Variants in NRXN1 observed in about 807,000 individuals in gnomAD.
NRXN1 encodes the protein neurexin-1.
NRXN1 carries 39 observed loss-of-function variants against 150.9 expected under a neutral mutation model. The ratio of observed to expected loss-of-function variants is 0.26; its 90% CI spans 0.20 to 0.34. The LOEUF is 0.34. NRXN1 is among the 10% of genes least tolerant of loss of function. NRXN1 has a pLI of 1.00. For missense variants in NRXN1, 1,815 were observed against 1,949.9 expected, an observed-to-expected ratio of 0.93 and a Z score of 1.30; for synonymous variants, 924 against 757.0, an observed-to-expected ratio of 1.22 and a Z score of -3.62.
chr2:50,561,967 A>T (rs1418514753), intron 8 of NRXN1, among the ~76,000 whole-genome samples: 1 of 152,228 alleles, frequency 6.6e-6, no homozygotes. Flanking sequence ...AAGCCAGCAG[A>T]TGCTGCTAAG....
chr2:49,987,188 C>G (rs1681069162), intron 21 of NRXN1, among the ~76,000 whole-genome samples: 6 of 151,984 alleles, frequency 3.9e-5, no homozygotes, highest in Admixed American at 3.9e-4. Context: ...CCCCCTTTAC[C>G]TTTCCCAGCC....
At chr2:50,730,912 A>G (rs1486475629) in intron 5 of NRXN1, among the ~76,000 whole-genome samples, 1 of 152,084 alleles carries the variant, frequency 6.6e-6, no homozygotes, top group Non-Finnish European at 1.5e-5. Flanking sequence ...TGACCTTGTC[A>G]TCCGCCTGCC....
intron 21 of NRXN1, among the ~76,000 whole-genome samples, chr2:50,003,737 C>A (rs2152536844): frequency 6.6e-6 from 1 of 152,224 alleles, no homozygotes; most frequent in African/African-American, 2.4e-5. Flanking sequence ...ATACAGTGTT[C>A]TTTCAGGATC....
chr2:50,447,687 T>C (rs891129896), intron 17 of NRXN1, among the ~76,000 whole-genome samples: 2 of 135,960 alleles, frequency 1.5e-5, no homozygotes, highest in African/African-American at 5.8e-5. Flanking sequence ...CCTGTGTGAG[T>C]GCTGGGAGAT....
At chr2:50,220,061 G>A (rs1234282878) in intron 18 of NRXN1, among the ~76,000 whole-genome samples, 79 of 133,506 alleles carry the variant, frequency 5.9e-4, no homozygotes, top group African/African-American at 2.1e-3. Flanking sequence ...GCTCTCATAT[G>A]AGCCACAATT....
chr2:50,452,418 G>A (rs11897092), intron 17 of NRXN1, among the ~76,000 whole-genome samples: 9,279 of 152,132 alleles, frequency 0.061, 381 homozygotes, highest in African/African-American at 0.11. Flanking sequence ...TTAAAGACAA[G>A]GCAAACCAAA....
intron 18 of NRXN1, among the ~76,000 whole-genome samples, chr2:50,219,965 A>AT (rs1401429529): frequency 1.6e-4 from 9 of 56,760 alleles, no homozygotes; most frequent in African/African-American, 9.3e-4. Context: ...TATATATATT[A>AT]TATATATATA....
intron 21 of NRXN1, among the ~76,000 whole-genome samples, chr2:49,946,410 CT>C (rs1429417621): frequency 6.6e-6 from 1 of 152,118 alleles, no homozygotes; most frequent in Non-Finnish European, 1.5e-5. Context: ...TCAATTTTGG[CT>C]TTTGTTGCCA....
chr2:50,691,693 C>T (rs987314496), intron 5 of NRXN1, among the ~76,000 whole-genome samples: 11 of 152,110 alleles, frequency 7.2e-5, no homozygotes, highest in African/African-American at 1.7e-4. Flanking sequence ...GGCAACCATC[C>T]GTTCCTTTTA....
intron 8 of NRXN1, chr2:50,588,791 T>C (rs1423361077): frequency 6.6e-6 from 1 of 152,156 alleles, no homozygotes; most frequent in Non-Finnish European, 1.5e-5. Context: ...TCATTTGATG[T>C]TACTTCTGTG....
chr2:50,347,171 G>T lies in NRXN1; in HGVS notation c.3365-110201C>A, dbSNP rs1188137223. ...AATCCGAAACATAGCCGAGGCGAATGCAGCTGGAGAGGGGCTTGTCCGGAA... is the reference window on the plus strand; with the variant it reads ...AATCCGAAACATAGCCGAGGCGAATTCAGCTGGAGAGGGGCTTGTCCGGAA... On this transcript the variant is annotated intron_variant, in intron 17 of 22. Transcript: ENST00000401669. The surrounding 1 kb of genome is among the most constrained non-coding windows in gnomAD (Gnocchi z 4.9). The T allele has an allele frequency of 9.5e-6, 13 of 1,364,708 alleles. No homozygotes were observed. The highest frequency in any genetic ancestry group is 1.3e-5 in the Non-Finnish European group (13 of 1,039,076). The allele number at this position is 1,364,708 out of a possible 1,614,324, so 84.5% of individuals were successfully genotyped here.
intron 5 of NRXN1, among the ~76,000 whole-genome samples, chr2:50,723,199 G>T (rs992625256): frequency 3.3e-5 from 5 of 152,088 alleles, no homozygotes; most frequent in African/African-American, 1.2e-4. Context: ...AATTGCACAG[G>T]CCCCAGGAAA....
intron 12 of NRXN1, among the ~76,000 whole-genome samples, chr2:50,508,537 T>C (rs2092332986): frequency 6.6e-6 from 1 of 152,102 alleles, no homozygotes; most frequent in Non-Finnish European, 1.5e-5. Flanking sequence ...AAAGAGAACA[T>C]ATCATTTTAG....
intron 5 of NRXN1, among the ~76,000 whole-genome samples, chr2:50,733,308 T>G (rs1316005234): frequency 1.3e-5 from 2 of 152,182 alleles, no homozygotes; most frequent in Non-Finnish European, 2.9e-5. Context: ...CCAAGACAAG[T>G]AAAAATTGGG....
At chr2:50,001,966 G>A (rs1263788592) in intron 21 of NRXN1, among the ~76,000 whole-genome samples, 1 of 152,058 alleles carries the variant, frequency 6.6e-6, no homozygotes, top group Non-Finnish European at 1.5e-5. Context: ...GATGCAAGCT[G>A]CTAATGGAGA....
intron 18 of NRXN1, among the ~76,000 whole-genome samples, chr2:50,200,082 C>T (rs1488665710): frequency 6.6e-6 from 1 of 152,062 alleles, no homozygotes; most frequent in Non-Finnish European, 1.5e-5. Flanking sequence ...ATTTTTATTA[C>T]TTTATAGTTT....
At chr2:50,445,145 A>C (rs2086287754) in intron 17 of NRXN1, among the ~76,000 whole-genome samples, 1 of 152,120 alleles carries the variant, frequency 6.6e-6, no homozygotes, top group Admixed American at 6.6e-5. Context: ...GGGTTTATTC[A>C]TGTGCTGTCC....
chr2:50,631,171 C>T (rs1682252359), intron 5 of NRXN1: 1 of 421,496 alleles, frequency 2.4e-6, no homozygotes, highest in East Asian at 8.3e-5. Context: ...TCTAAAATTA[C>T]CAACTATTTT....
At chr2:50,649,251 T>TCCACATACACAC (rs1685240828) in intron 5 of NRXN1, among the ~76,000 whole-genome samples, 1 of 79,552 alleles carries the variant, frequency 1.3e-5, no homozygotes, top group African/African-American at 4.5e-5. Flanking sequence ...TATACACACA[T>TCCACATACACAC]ACACACATAC....
Sources: allele counts gnomAD v4.1 joint callset (sites outside exome capture counted in the v4.1 genomes callset), GRCh38; gene constraint gnomAD v4.1.1; non-coding constraint Gnocchi (gnomAD v3.1); transcripts MANE v1.5; gene names NCBI Gene and HGNC (gene_info 2026-07-23, HGNC 2026-07-21).